Variants in MYRFL observed in about 807,000 individuals in gnomAD.
MYRFL encodes the protein myelin regulatory factor like.
In MYRFL, 88 loss-of-function variants were observed where a neutral mutation model predicts 109.4. That is an observed-to-expected ratio of 0.80 (90% CI 0.68 to 0.96). The LOEUF (loss-of-function observed/expected upper bound fraction) is 0.96, where lower values mean the gene tolerates loss of function less well. MYRFL is among the 40% of genes least tolerant of loss of function. The probability of loss-of-function intolerance (pLI) is 0.00; values close to 1 mark genes in which losing one functional copy is unlikely to be tolerated. For synonymous variants in MYRFL, 324 were observed against 320.9 expected (o/e 1.01, Z -0.10); for missense variants, 957 against 954.9 (o/e 1.00, Z -0.03).
rs1163215844 is a variant in MYRFL, at chr12:69,855,285, G to T, written c.52G>T (p.Gly18Ter). Residue 18 changes from glycine to a stop codon, truncating the protein, a stop_gained, in exon 2 of 25, where the codon GGA becomes TGA. Coordinates refer to ENST00000552032, the MANE Select transcript of MYRFL (RefSeq NM_182530.3). LOFTEE classifies it high-confidence loss of function. ...EALQQFFEAQ[G>*]ANGTLENPAL... The stretch of plus-strand genomic sequence containing the variant: ...TTTTCAATTTGCCTTTGCAGCTCAG[G>T]GAGCCAATGGTACTCTGGAGAACCC... 2 of 701,178 alleles carry T rather than the reference G, an allele frequency of 2.9e-6. No homozygotes were observed. Among genetic ancestry groups the T allele is most frequent in the African/African-American group, 3.5e-5 (2 of 57,178 alleles). The allele number at this position is 701,178 out of a possible 1,614,324, so 43.4% of individuals were successfully genotyped here.
intron 19 of MYRFL, among the ~76,000 whole-genome samples, chr12:69,939,214 T>G (rs1484760155): frequency 2.0e-5 from 3 of 152,220 alleles, no homozygotes; most frequent in Non-Finnish European, 2.9e-5. Flanking sequence ...CCTGCCTGCC[T>G]GTGTAGGCTC....
chr12:69,934,556 G>T (rs1185181037), intron 16 of MYRFL, among the ~76,000 whole-genome samples: 1 of 152,206 alleles, frequency 6.6e-6, no homozygotes, highest in Admixed American at 6.5e-5. Flanking sequence ...TGAGTCCCAA[G>T]CTCTTGTCCA....
chr12:69,846,585 T>G, intron 1 of MYRFL, among the ~76,000 whole-genome samples: 1 of 152,116 alleles, frequency 6.6e-6, no homozygotes, highest in Non-Finnish European at 1.5e-5. Context: ...ATTTTCTTAA[T>G]CCAGTCTATC....
Position 69,872,506 on chromosome 12 carries a change from A to T in MYRFL, c.138-6522A>T, listed in dbSNP as rs186990613. On this transcript the variant is annotated intron_variant, in intron 2 of 24. Coordinates refer to ENST00000552032, the MANE Select transcript of MYRFL (RefSeq NM_182530.3). ...ACCTGGCTAATCTTAAATAAAAAAA[A>T]TTTTTTTTTTTTGAGATGGAGTCTC... Among the ~76,000 whole-genome samples the T allele has an allele frequency of 6.2e-3, 920 of 147,404 alleles. 9 individuals carry two copies. Among genetic ancestry groups the T allele is most frequent in the East Asian group, 0.05 (253 of 5,080 alleles).
chr12:69,875,390 G>A (rs951779322), intron 2 of MYRFL, among the ~76,000 whole-genome samples: 1 of 151,938 alleles, frequency 6.6e-6, no homozygotes, highest in African/African-American at 2.4e-5. Context: ...TCACAAGCAT[G>A]TGCTTGTCTG....
At chr12:69,955,728 C>G (rs1592906225) in intron 22 of MYRFL, among the ~76,000 whole-genome samples, 1 of 152,132 alleles carries the variant, frequency 6.6e-6, no homozygotes, top group African/African-American at 2.4e-5. Flanking sequence ...CTGACTTTCT[C>G]ACTTGGTGAG....
At chr12:69,892,453 T>C (rs1886973490) in intron 7 of MYRFL, among the ~76,000 whole-genome samples, 1 of 152,210 alleles carries the variant, frequency 6.6e-6, no homozygotes, top group African/African-American at 2.4e-5. Context: ...CTCTGTCGCC[T>C]AGACTGGAGT....
chr12:69,896,417 T>C (rs1343935413), intron 9 of MYRFL, among the ~76,000 whole-genome samples: 1 of 152,242 alleles, frequency 6.6e-6, no homozygotes, highest in Non-Finnish European at 1.5e-5. Flanking sequence ...CAGAGGAAGC[T>C]GGTGAAGTTT....
chr12:69,953,085 C>T (rs1372168321), intron 21 of MYRFL, among the ~76,000 whole-genome samples, 199 bp downstream of exon 21: 1 of 152,148 alleles, frequency 6.6e-6, no homozygotes, highest in Non-Finnish European at 1.5e-5. Flanking sequence ...CAATAAGCCA[C>T]GGCCCTAGTG....
intron 4 of MYRFL, 150 bp from the exon 5 acceptor site, chr12:69,880,051 G>A (rs746019219): frequency 1.8e-6 from 1 of 555,948 alleles, no homozygotes; most frequent in Non-Finnish European, 3.2e-6. Context: ...TTGATCAAGG[G>A]AAATAGTTTC....
intron 2 of MYRFL, among the ~76,000 whole-genome samples, chr12:69,868,288 T>C (rs998762270): frequency 3.3e-5 from 5 of 151,890 alleles, no homozygotes; most frequent in Admixed American, 6.6e-5. Flanking sequence ...TTTGTATTTT[T>C]TTTTTTAGTA....
chr12:69,958,610 T>G lies in MYRFL; in HGVS notation c.*79T>G. 9.8e-7 allele frequency: 1 copy of G among 1,020,194 alleles called. No homozygotes were observed. The highest frequency in any genetic ancestry group is 1.5e-5 in the South Asian group (1 of 64,626). The allele number at this position is 1,020,194 out of a possible 1,614,324, so 63.2% of individuals were successfully genotyped here. The stretch of plus-strand genomic sequence containing the variant: ...CAGAAACGAACATCCTCTTGCAACT[T>G]CTTTTTTCTTCTTTGTAAAACATTT... On this transcript the variant is annotated 3_prime_UTR_variant, in exon 25 of 25. Transcript: ENST00000552032.
chr12:69,861,668 GT>G (rs1403088683), intron 2 of MYRFL, among the ~76,000 whole-genome samples: 1 of 152,108 alleles, frequency 6.6e-6, no homozygotes, highest in African/African-American at 2.4e-5. Context: ...AGATGAATAG[GT>G]TGTGAAAATT....
intron 13 of MYRFL, among the ~76,000 whole-genome samples, chr12:69,912,231 C>T (rs1213379802): frequency 2.6e-5 from 4 of 152,182 alleles, no homozygotes; most frequent in Non-Finnish European, 5.9e-5. Flanking sequence ...CAGACCTGGG[C>T]TATCATTTCA....
chr12:69,958,618 C>A lies in MYRFL; in HGVS notation c.*87C>A. ...AACATCCTCTTGCAACTTCTTTTTT[C>A]TTCTTTGTAAAACATTTACGTTTAT... On this transcript the variant is annotated 3_prime_UTR_variant, in exon 25 of 25. Coordinates refer to ENST00000552032, the MANE Select transcript of MYRFL (RefSeq NM_182530.3). 9.9e-7 allele frequency: 1 copy of A among 1,006,486 alleles called. No individual in the cohort carries two copies. Among genetic ancestry groups the A allele is most frequent in the Non-Finnish European group, 1.4e-6 (1 of 699,378 alleles). 62.3% of individuals were successfully genotyped at this position (1,006,486 alleles called of 1,614,324 possible). A position where few individuals can be genotyped will look rare whatever the true frequency, so the allele number is the denominator to read the frequency against.
At chr12:69,930,813 GAAAA>G (rs61430519) in intron 15 of MYRFL, among the ~76,000 whole-genome samples, 38 of 128,362 alleles carry the variant, frequency 3.0e-4, no homozygotes, top group South Asian at 7.8e-4. Context: ...CCCTATCTAA[GAAAA>G]AAAAAAAAAA....
intron 16 of MYRFL, 128 bp from the exon 17 acceptor site, chr12:69,935,985 C>G: frequency 8.8e-7 from 1 of 1,137,714 alleles, no homozygotes; most frequent in Non-Finnish European, 1.2e-6. Flanking sequence ...TGGCCATCCC[C>G]TCCCCCCTGC....
chr12:69,917,976 T>A (rs1046515627), intron 13 of MYRFL, among the ~76,000 whole-genome samples: 3 of 151,272 alleles, frequency 2.0e-5, no homozygotes, highest in African/African-American at 7.3e-5. Context: ...GAGAGGAAGC[T>A]GCAGCCATGG....
At chr12:69,873,411 T>TA (rs774884039) in intron 2 of MYRFL, among the ~76,000 whole-genome samples, 4 of 152,232 alleles carry the variant, frequency 2.6e-5, no homozygotes, top group African/African-American at 4.8e-5. Flanking sequence ...TTTCTTTCCT[T>TA]ACTATGTCAA....
Sources: allele counts gnomAD v4.1 joint callset (sites outside exome capture counted in the v4.1 genomes callset), GRCh38; gene constraint gnomAD v4.1.1; transcripts MANE v1.5; gene names NCBI Gene and HGNC (gene_info 2026-07-23, HGNC 2026-07-21).